The following SEMA6B variants were observed in gnomAD, a reference collection of about 807,000 sequenced individuals.
SEMA6B encodes semaphorin-6B.
In SEMA6B, 47 loss-of-function variants were observed where a neutral mutation model predicts 78.6. The observed-to-expected ratio is 0.60, with a 90% confidence interval of 0.47 to 0.76. SEMA6B has a LOEUF of 0.76. SEMA6B is among the 30% of genes least tolerant of loss of function. The pLI is 0.00. For missense variants in SEMA6B, 1,213 were observed against 1,269.9 expected (o/e 0.96, Z 0.68); for synonymous variants, 632 against 592.2 (o/e 1.07, Z -0.98).
chr19:4,554,457 C>A lies in SEMA6B; in HGVS notation c.702G>T (p.Ala234=). 1 of 1,613,870 alleles carries A rather than the reference C, an allele frequency of 6.2e-7. No homozygotes were observed. Among genetic ancestry groups the A allele is most frequent in the South Asian group, 1.1e-5 (1 of 91,076 alleles). Reference sequence around the variant, plus strand: ...AGTAGACATGGCTGCCCCACTCCACCGCATGGACAAAGTAAGGCTCTGCAG... The same window carrying A: ...AGTAGACATGGCTGCCCCACTCCACAGCATGGACAAAGTAAGGCTCTGCAG... ...KWFKEPYFVH[A]VEWGSHVYFF... The change falls in exon 9 of 17, where the codon GCG becomes GCT. Residue 234 remains alanine (A), a synonymous_variant. Coordinates refer to ENST00000586582, the MANE Select transcript of SEMA6B (RefSeq NM_032108.4).
chr19:4,543,155 A>G lies in SEMA6B; in HGVS notation c.*446T>C. On this transcript the variant is annotated 3_prime_UTR_variant, in exon 17 of 17. Transcript: ENST00000586582. ...ACACGCACGCACACCCACACACGCC[A>G]GGGGCCTGGGTTGGGGAGGGACCTT... The G allele has an allele frequency of 1.7e-6, 1 of 604,420 alleles. No homozygotes were observed. 37.4% of individuals were successfully genotyped at this position (604,420 alleles called of 1,614,324 possible). A position where few individuals can be genotyped will look rare whatever the true frequency, so the allele number is the denominator to read the frequency against.
chr19:4,542,907 G>GA lies in SEMA6B; in HGVS notation c.*693_*694insT, dbSNP rs1977054675. On this transcript the variant is annotated 3_prime_UTR_variant, in exon 17 of 17. Transcript: ENST00000586582. The stretch of plus-strand genomic sequence containing the variant: ...GTCCCCGCTTCCCTCTGCAGAGTGG[G>GA]GGGGGTTCAAACTCCTAACCGGCAC... 3 of 701,240 alleles carry GA rather than the reference G, an allele frequency of 4.3e-6. No homozygotes were observed. Among genetic ancestry groups the GA allele is most frequent in the Middle Eastern group, 3.1e-4 (1 of 3,178 alleles). The allele number at this position is 701,240 out of a possible 1,614,324, so 43.4% of individuals were successfully genotyped here.
chr19:4,546,150 C>G (rs1457530899), intron 16 of SEMA6B, 66 bp downstream of exon 16: 34 of 1,473,844 alleles, frequency 2.3e-5, no homozygotes, highest in Admixed American at 2.2e-4. Flanking sequence ...GTCCTCCAGC[C>G]TCCTCCCTCC....
chr19:4,551,160 C>T (rs1244090137), intron 10 of SEMA6B, among the ~76,000 whole-genome samples: 1 of 151,964 alleles, frequency 6.6e-6, no homozygotes, highest in Non-Finnish European at 1.5e-5. Flanking sequence ...GGCCCCCATC[C>T]CTGTTTAACT....
At chr19:4,554,854 A>G (rs1472127209) in intron 8 of SEMA6B, 122 bp downstream of exon 8, 1 of 1,244,246 alleles carries the variant, frequency 8.0e-7, no homozygotes, top group African/African-American at 1.5e-5. Flanking sequence ...AACAGATTCC[A>G]AAGATGTGGT....
rs1488961720 is a variant in SEMA6B, at chr19:4,550,191, G to A, written c.1203C>T (p.Thr401=). 2 of 1,613,716 alleles carry A rather than the reference G, an allele frequency of 1.2e-6. No homozygotes were observed. The highest frequency in any genetic ancestry group is 1.7e-5 in the Admixed American group (1 of 60,006). Residue 401 remains threonine (T), a synonymous_variant, in exon 12 of 17, where the codon ACC becomes ACT. Coordinates refer to ENST00000586582, the MANE Select transcript of SEMA6B (RefSeq NM_032108.4). This position sits in a 1 kb window ranked among gnomAD's most constrained non-coding sequence, Gnocchi z 6.6. ...LPDDILNFVK[T]HPLMDEAVPS... is the part of the protein sequence containing the mutation. ...GCACCGCCTCGTCCATCAGAGGGTG[G>A]GTCTTGACAAAGTTGAGGATGTCAT...
rs553439373 is a variant in SEMA6B, at chr19:4,542,906, G to C, written c.*695C>G. 12 of 701,192 alleles carry C rather than the reference G, an allele frequency of 1.7e-5. No homozygotes were observed. The highest frequency in any genetic ancestry group is 3.1e-5 in the Non-Finnish European group (12 of 384,828). 43.4% of individuals were successfully genotyped at this position (701,192 alleles called of 1,614,324 possible). A position where few individuals can be genotyped will look rare whatever the true frequency, so the allele number is the denominator to read the frequency against. ...TGTCCCCGCTTCCCTCTGCAGAGTG[G>C]GGGGGGTTCAAACTCCTAACCGGCA... On this transcript the variant is annotated 3_prime_UTR_variant, in exon 17 of 17. Transcript: ENST00000586582.
At position 4,552,363 on chromosome 19, in the gene SEMA6B, G is replaced by A. The variant is rs117957732; in HGVS notation, c.989+59C>T. On this transcript the variant is annotated intron_variant, in intron 10 of 16. Transcript: ENST00000586582. This position sits in a 1 kb window ranked among gnomAD's most constrained non-coding sequence, Gnocchi z 7.4. Reference sequence around the variant, plus strand: ...GGGCATACCTGAGGAGTGAATACAGGCCCTCTCTACCCATGCCCACCAAAT... The same window carrying A: ...GGGCATACCTGAGGAGTGAATACAGACCCTCTCTACCCATGCCCACCAAAT... The A allele has an allele frequency of 2.1e-4, 315 of 1,477,122 alleles. 2 individuals are homozygous for A. The East Asian group carries it at 4.7e-3, about 22-fold the overall frequency. 91.5% of individuals were successfully genotyped at this position (1,477,122 alleles called of 1,614,324 possible).
rs958693703 is a variant in SEMA6B at position 4,542,758 on chromosome 19, G to A, written c.*843C>T. 33 of 699,860 alleles carry A rather than the reference G, an allele frequency of 4.7e-5. No homozygotes were observed. Among genetic ancestry groups the A allele is most frequent in the Non-Finnish European group, 6.8e-5 (26 of 384,216 alleles). The allele number at this position is 699,860 out of a possible 1,614,324, so 43.4% of individuals were successfully genotyped here. On this transcript the variant is annotated 3_prime_UTR_variant, in exon 17 of 17. Coordinates refer to ENST00000586582, the MANE Select transcript of SEMA6B (RefSeq NM_032108.4). ...GGGACTCTCTCACCACCCTGGGGCC[G>A]TATTTACAGAGGGGCCCCACCCACC...
intron 10 of SEMA6B, among the ~76,000 whole-genome samples, chr19:4,551,737 G>A (rs1977337827): frequency 6.6e-6 from 1 of 151,586 alleles, no homozygotes; most frequent in Non-Finnish European, 1.5e-5. Context: ...GCTGAGGCAG[G>A]AGAATTGCTT....
rs1251276228 is a variant in SEMA6B at position 4,543,976 on chromosome 19, C to G, written c.2292G>C (p.Ala764=). The change falls in exon 17 of 17, where the codon GCG becomes GCC. Residue 764 remains alanine (A), a synonymous_variant. Coordinates refer to ENST00000586582, the MANE Select transcript of SEMA6B (RefSeq NM_032108.4). ...APARAPEQPP[A]PGEPTPDGRL... ...GGCCGTCGGGGGTCGGCTCCCCAGG[C>G]GCGGGGGGCTGCTCGGGGGCCCGGG... 1 of 1,203,690 alleles carries G rather than the reference C, an allele frequency of 8.3e-7. No homozygotes were observed. Among genetic ancestry groups the G allele is most frequent in the Non-Finnish European group, 1.0e-6 (1 of 970,240 alleles). The allele number at this position is 1,203,690 out of a possible 1,614,324, so 74.6% of individuals were successfully genotyped here.
Position 4,543,218 on chromosome 19 carries a change from C to A in SEMA6B, c.*383G>T. 1 of 547,002 alleles carries A rather than the reference C, an allele frequency of 1.8e-6. No individual in the cohort carries two copies. Among genetic ancestry groups the A allele is most frequent in the Non-Finnish European group, 3.2e-6 (1 of 307,794 alleles). The allele number at this position is 547,002 out of a possible 1,614,324, so 33.9% of individuals were successfully genotyped here. On this transcript the variant is annotated 3_prime_UTR_variant, in exon 17 of 17. Transcript: ENST00000586582. ...GGAGGGCTTAGGTCTGCAGCTGTGG[C>A]CCCCCATTCCCCACCGGCGTCCAAG...
In SEMA6B at chr19:4,548,070, G is replaced by C; in HGVS notation, c.1558C>G (p.Arg520Gly). 6.3e-7 allele frequency: 1 copy of C among 1,588,962 alleles called. No homozygotes were observed. Among genetic ancestry groups the C allele is most frequent in the Non-Finnish European group, 8.5e-7 (1 of 1,173,022 alleles). ...TGCTGGCAGCGAGCCACAGGCACTC[G>C]GACCACGCAGCGGGGGAAGGCAGCC... is the stretch of plus-strand genomic sequence containing the variant. ...LLAAFPRCVV[R>G]VPVARCQQYS... is the part of the protein sequence containing the mutation. The change falls in exon 14 of 17, where the codon CGA becomes GGA. Residue 520 changes from arginine to glycine, a missense_variant. Arg to Gly is a moderately radical substitution (Grantham distance 125). Coordinates refer to ENST00000586582, the MANE Select transcript of SEMA6B (RefSeq NM_032108.4).
At chr19:4,557,054 G>A (rs1977492314) in intron 4 of SEMA6B, 41 bp from the exon 5 acceptor site, 1 of 1,601,836 alleles carries the variant, frequency 6.2e-7, no homozygotes, top group African/African-American at 1.3e-5. Context: ...ACGGGTCCCA[G>A]CAGCCCTGAG....
chr19:4,558,308 C>A lies in SEMA6B; in HGVS notation c.121+29G>T. On this transcript the variant is annotated intron_variant, in intron 2 of 16. Coordinates refer to ENST00000586582, the MANE Select transcript of SEMA6B (RefSeq NM_032108.4). This position sits in a 1 kb window ranked among gnomAD's most constrained non-coding sequence, Gnocchi z 5.1. ...ACCCAGATACTCCCACGGGACTCCACCCCCGCCCAAAGACACCCCCAGACT... is the reference window on the plus strand; with the variant it reads ...ACCCAGATACTCCCACGGGACTCCAACCCCGCCCAAAGACACCCCCAGACT... The A allele has an allele frequency of 7.6e-7, 1 of 1,314,770 alleles. No individual in the cohort carries two copies. Among genetic ancestry groups the A allele is most frequent in the Non-Finnish European group, 9.8e-7 (1 of 1,022,350 alleles). 81.4% of individuals were successfully genotyped at this position (1,314,770 alleles called of 1,614,324 possible).
In SEMA6B at chr19:4,543,592, G is replaced by A. The variant is rs1599771172; in HGVS notation, c.*9C>T. The A allele has an allele frequency of 1.6e-6, 2 of 1,217,202 alleles. No homozygotes were observed. Among genetic ancestry groups the A allele is most frequent in the Non-Finnish European group, 2.1e-6 (2 of 971,442 alleles). The allele number at this position is 1,217,202 out of a possible 1,614,324, so 75.4% of individuals were successfully genotyped here. ...GCTGGCACTGCCAAGGCATCGGGGG[G>A]CCCCCGGCCTAGGGCACGGGGGGCG... On this transcript the variant is annotated 3_prime_UTR_variant, in exon 17 of 17. Transcript: ENST00000586582.
intron 9 of SEMA6B, 128 bp downstream of exon 9, chr19:4,554,260 G>T: frequency 1.4e-6 from 1 of 719,426 alleles, no homozygotes. Context: ...CTGGAAAGGA[G>T]GCCCTGGGGA....
rs1016646048 is a variant in SEMA6B, at chr19:4,543,252, G to C, written c.*349C>G. 1 of 529,538 alleles carries C rather than the reference G, an allele frequency of 1.9e-6. No homozygotes were observed. The highest frequency in any genetic ancestry group is 3.3e-6 in the Non-Finnish European group (1 of 298,702). 32.8% of individuals were successfully genotyped at this position (529,538 alleles called of 1,614,324 possible). A position where few individuals can be genotyped will look rare whatever the true frequency, so the allele number is the denominator to read the frequency against. On this transcript the variant is annotated 3_prime_UTR_variant, in exon 17 of 17. Transcript: ENST00000586582. ...CCCCACCGGCGTCCAAGCCTCCCCT[G>C]CCTGCCGCCACCCCGAGAACGGAGT...
intron 3 of SEMA6B, among the ~76,000 whole-genome samples, chr19:4,557,425 C>T (rs11673058): frequency 0.19 from 29,191 of 152,204 alleles, 3,103 homozygotes; most frequent in Non-Finnish European, 0.24. Flanking sequence ...CTGCCCGGCA[C>T]GCCCCACGGA....
Sources: allele counts gnomAD v4.1 joint callset (sites outside exome capture counted in the v4.1 genomes callset), GRCh38; gene constraint gnomAD v4.1.1; non-coding constraint Gnocchi (gnomAD v3.1); transcripts MANE v1.5; gene names NCBI Gene and HGNC (gene_info 2026-07-23, HGNC 2026-07-21).